Variants in ATXN1 observed in about 807,000 individuals in gnomAD.
ATXN1 encodes the protein ataxin 1, also known as ataxin-1.
In ATXN1, 8 loss-of-function variants were observed where a neutral mutation model predicts 56.4. The ratio of observed to expected loss-of-function variants is 0.14; its 90% CI spans 0.08 to 0.26. The LOEUF is 0.26. ATXN1 is among the 10% of genes least tolerant of loss of function. The probability of loss-of-function intolerance (pLI) is 1.00; values close to 1 mark genes in which losing one functional copy is unlikely to be tolerated. For synonymous variants in ATXN1, 514 were observed against 494.6 expected, an observed-to-expected ratio of 1.04 and a Z score of -0.52; for missense variants, 987 against 1,106.5, an observed-to-expected ratio of 0.89 and a Z score of 1.53.
Position 16,604,596 on chromosome 6 carries a change from T to C in ATXN1, c.-488-18689A>G, listed in dbSNP as rs140573672. 5.3e-3 allele frequency among the ~76,000 whole-genome samples: 809 copies of C among 151,326 alleles called. 8 individuals are homozygous for C. The highest frequency in any genetic ancestry group is 0.019 in the African/African-American group (775 of 41,368). ...TGGATTTTGTTTCTCTTCTTTTTTT[T>C]TTTTTTTTTTAGACAGGCTTGCTTT... On this transcript the variant is annotated intron_variant, in intron 3 of 7. Coordinates refer to ENST00000436367, the MANE Select transcript of ATXN1 (RefSeq NM_001128164.2).
intron 4 of ATXN1, among the ~76,000 whole-genome samples, chr6:16,528,802 C>T (rs916349400): frequency 2.3e-4 from 35 of 152,066 alleles, no homozygotes; most frequent in African/African-American, 7.7e-4. Context: ...CTGGGTTTCA[C>T]GGTCAAAGAG....
chr6:16,579,488 C>G lies in ATXN1; in HGVS notation c.-361+6292G>C, dbSNP rs1191021709. The stretch of plus-strand genomic sequence containing the variant: ...TGAGTACCTTGGTCAAAGCCCCCCC[C>G]CCCCACCCGCCGATTCATTCCCAAG... On this transcript the variant is annotated intron_variant, in intron 4 of 7. Coordinates refer to ENST00000436367, the MANE Select transcript of ATXN1 (RefSeq NM_001128164.2). 3.5e-4 allele frequency among the ~76,000 whole-genome samples: 13 copies of G among 36,978 alleles called. 3 individuals carry two copies. Among genetic ancestry groups the G allele is most frequent in the Non-Finnish European group, 6.7e-4 (10 of 15,018 alleles). The allele number at this position is 36,978 out of a possible 152,430, so 24.3% of individuals were successfully genotyped here.
chr6:16,352,014 G>T (rs534073321), intron 6 of ATXN1, among the ~76,000 whole-genome samples: 1 of 152,176 alleles, frequency 6.6e-6, no homozygotes, highest in African/African-American at 2.4e-5. Context: ...TGAGTGTTAA[G>T]TAGATAAATG....
At chr6:16,445,688 A>G in intron 6 of ATXN1, among the ~76,000 whole-genome samples, 1 of 79,388 alleles carries the variant, frequency 1.3e-5, no homozygotes, top group Admixed American at 1.9e-4. Context: ...CCCACCCCAC[A>G]ACAGTCCCCA....
chr6:16,713,812 C>G lies in ATXN1; in HGVS notation c.-615+39421G>C, dbSNP rs889198527. 9.2e-5 allele frequency among the ~76,000 whole-genome samples: 14 copies of G among 152,292 alleles called. No homozygotes were observed. The East Asian group carries it at 2.3e-3, about 25-fold the overall frequency. Reference sequence around the variant, plus strand: ...CCCAGAAATCTGTGGTCTAAACAAGCCTTCCAGGTGCCTCTGATGCAAACA... The same window carrying G: ...CCCAGAAATCTGTGGTCTAAACAAGGCTTCCAGGTGCCTCTGATGCAAACA... On this transcript the variant is annotated intron_variant, in intron 2 of 7. Coordinates refer to ENST00000436367, the MANE Select transcript of ATXN1 (RefSeq NM_001128164.2).
rs139381022 is a variant in ATXN1, at chr6:16,457,465, C to T, written c.-161+28507G>A. Among the ~76,000 whole-genome samples, 937 of 151,990 alleles carry T rather than the reference C, an allele frequency of 6.2e-3. 5 individuals are homozygous for T. The highest frequency in any genetic ancestry group is 0.021 in the African/African-American group (884 of 41,456). On this transcript the variant is annotated intron_variant, in intron 6 of 7. Transcript: ENST00000436367. Reference sequence around the variant, plus strand: ...CATCAACAAGCTCACCCTTGAAACGCATCCTAAGCCATTGGGACCAATTTG... The same window carrying T: ...CATCAACAAGCTCACCCTTGAAACGTATCCTAAGCCATTGGGACCAATTTG...
At chr6:16,381,070 T>G (rs1373804987) in intron 6 of ATXN1, among the ~76,000 whole-genome samples, 5 of 151,988 alleles carry the variant, frequency 3.3e-5, no homozygotes, top group Non-Finnish European at 5.9e-5. Context: ...GGCAGGCGGA[T>G]CATGAGGTCA....
chr6:16,582,455 T>C (rs1435184178), intron 4 of ATXN1, among the ~76,000 whole-genome samples: 1 of 152,196 alleles, frequency 6.6e-6, no homozygotes, highest in Non-Finnish European at 1.5e-5. Flanking sequence ...ATTAAAGACC[T>C]TGTCTCAGTT....
intron 3 of ATXN1, among the ~76,000 whole-genome samples, chr6:16,600,961 C>A (rs1475361082): frequency 6.6e-6 from 1 of 152,152 alleles, no homozygotes; most frequent in African/African-American, 2.4e-5. Context: ...CAGTTGTCTT[C>A]CTGTGTACTC....
At chr6:16,754,611 G>A (rs1760831700) in intron 1 of ATXN1, 1 of 152,174 alleles carries the variant, frequency 6.6e-6, no homozygotes, top group Non-Finnish European at 1.5e-5. Flanking sequence ...ACTTTTCAAA[G>A]TAATGAACAG....
chr6:16,609,430 A>G (rs776840867), intron 3 of ATXN1, among the ~76,000 whole-genome samples: 5 of 152,206 alleles, frequency 3.3e-5, no homozygotes, highest in Admixed American at 6.5e-5. Context: ...AGAAGTTCAG[A>G]ATGAGAACCA....
intron 6 of ATXN1, among the ~76,000 whole-genome samples, chr6:16,425,556 T>C (rs1164492889): frequency 6.6e-6 from 1 of 152,210 alleles, no homozygotes; most frequent in African/African-American, 2.4e-5. Context: ...AAACAGCAGA[T>C]TTCAGACGCA....
intron 2 of ATXN1, among the ~76,000 whole-genome samples, chr6:16,703,483 T>TA (rs1375704459): frequency 6.6e-6 from 1 of 152,152 alleles, no homozygotes; most frequent in African/African-American, 2.4e-5. Context: ...AGTATAATTT[T>TA]AAAAAAATTC....
chr6:16,566,630 G>A (rs1257554530), intron 4 of ATXN1, among the ~76,000 whole-genome samples: 2 of 152,082 alleles, frequency 1.3e-5, no homozygotes, highest in Non-Finnish European at 2.9e-5. Context: ...ACGGCGGGCG[G>A]ATCACGAGGT....
rs1292769110 is a variant in ATXN1 at position 16,328,810 on chromosome 6, C to T, written c.-160-340G>A. On this transcript the variant is annotated intron_variant, in intron 6 of 7. Coordinates refer to ENST00000436367, the MANE Select transcript of ATXN1 (RefSeq NM_001128164.2). This position sits in a 1 kb window ranked among gnomAD's most constrained non-coding sequence, Gnocchi z 6.2. The stretch of plus-strand genomic sequence containing the variant: ...CATTAGCTGGCACACGGCTGTAGTC[C>T]CAGCTACTTGAGAGGCTGAGGCAGG... Among the ~76,000 whole-genome samples the T allele has an allele frequency of 2.0e-5, 3 of 152,066 alleles. No individual in the cohort carries two copies. Among genetic ancestry groups the T allele is most frequent in the Non-Finnish European group, 4.4e-5 (3 of 68,008 alleles).
intron 5 of ATXN1, among the ~76,000 whole-genome samples, chr6:16,504,237 C>T (rs1214775539): frequency 6.6e-6 from 1 of 152,194 alleles, no homozygotes; most frequent in Non-Finnish European, 1.5e-5. Context: ...CTCACTGACT[C>T]CTACTCGCAT....
chr6:16,332,735 C>T (rs1314277121), intron 6 of ATXN1, among the ~76,000 whole-genome samples: 3 of 152,212 alleles, frequency 2.0e-5, no homozygotes, highest in Admixed American at 2.0e-4. Flanking sequence ...GCCTGATAAT[C>T]ACTGTTCTGA....
At chr6:16,743,834 G>A (rs549322950) in intron 2 of ATXN1, among the ~76,000 whole-genome samples, 4 of 152,268 alleles carry the variant, frequency 2.6e-5, no homozygotes, top group Admixed American at 6.5e-5. Flanking sequence ...AAAAAACAGA[G>A]TATGGCACTT....
intron 2 of ATXN1, chr6:16,739,845 A>G (rs904156963): frequency 2.6e-5 from 12 of 456,790 alleles, no homozygotes; most frequent in Non-Finnish European, 4.8e-5. Context: ...CGGCAAAGAC[A>G]CCAAGTCCCG....
Sources: allele counts gnomAD v4.1 joint callset (sites outside exome capture counted in the v4.1 genomes callset), GRCh38; gene constraint gnomAD v4.1.1; non-coding constraint Gnocchi (gnomAD v3.1); transcripts MANE v1.5; gene names NCBI Gene and HGNC (gene_info 2026-07-23, HGNC 2026-07-21).